CCSER1: variants seen among roughly 807,000 people sequenced by gnomAD.
CCSER1 encodes coiled-coil serine rich protein 1.
Under a neutral mutation model 82.0 loss-of-function variants are expected in CCSER1, and 41 were observed. That is an observed-to-expected ratio of 0.50 (90% confidence interval 0.39 to 0.65). The LOEUF (loss-of-function observed/expected upper bound fraction) is 0.65, where lower values mean the gene tolerates loss of function less well. CCSER1 is among the 30% of genes least tolerant of loss of function. CCSER1 has a pLI of 0.00. For missense variants in CCSER1, 1,119 were observed against 1,064.2 expected (o/e 1.05, Z -0.72); for synonymous variants, 414 against 383.9 (o/e 1.08, Z -0.92).
intron 1 of CCSER1, among the ~76,000 whole-genome samples, chr4:90,138,270 C>A (rs940814874): frequency 2.0e-5 from 3 of 152,216 alleles, no homozygotes; most frequent in African/African-American, 2.4e-5. Flanking sequence ...TATCTCAATA[C>A]AGCCTCAAAC....
intron 8 of CCSER1, among the ~76,000 whole-genome samples, chr4:90,850,467 C>T (rs757694317): frequency 1.3e-5 from 2 of 152,362 alleles, no homozygotes; most frequent in South Asian, 2.1e-4. Flanking sequence ...TGCAAATCTA[C>T]AGGGGCGGAG....
In CCSER1 at chr4:90,451,647, A is replaced by T. The variant is rs952486354; in HGVS notation, c.1604-16587A>T. Among the ~76,000 whole-genome samples, 8 of 152,178 alleles carry T rather than the reference A, an allele frequency of 5.3e-5. No individual in the cohort carries two copies. In the South Asian group the frequency reaches 6.2e-4, roughly 12 times the overall value. ...AGCCATCCTGAGGACTGAAGTGTGTATCCCTGAGATACAGCCCATTCTATC... is the reference window on the plus strand; with the variant it reads ...AGCCATCCTGAGGACTGAAGTGTGTTTCCCTGAGATACAGCCCATTCTATC... On this transcript the variant is annotated intron_variant, in intron 4 of 10. Coordinates refer to ENST00000509176, the MANE Select transcript of CCSER1 (RefSeq NM_001145065.2).
chr4:90,428,710 T>C (rs1757867109), intron 4 of CCSER1, among the ~76,000 whole-genome samples: 1 of 151,860 alleles, frequency 6.6e-6, no homozygotes, highest in South Asian at 2.1e-4. Flanking sequence ...AAGAAATTTC[T>C]CTTATAAGTG....
chr4:91,064,488 A>G (rs1319860410), intron 9 of CCSER1, among the ~76,000 whole-genome samples: 1 of 152,236 alleles, frequency 6.6e-6, no homozygotes, highest in Non-Finnish European at 1.5e-5. Context: ...TTCTTCCGGC[A>G]ATTAAATACA....
chr4:90,733,522 T>C (rs1365807581), intron 7 of CCSER1, among the ~76,000 whole-genome samples: 1 of 152,182 alleles, frequency 6.6e-6, no homozygotes, highest in African/African-American at 2.4e-5. Flanking sequence ...GTGCAAAAGC[T>C]TTTTAACTTG....
intron 6 of CCSER1, chr4:90,642,063 C>T (rs12642596): frequency 0.15 from 30,909 of 199,534 alleles, 2,891 homozygotes; most frequent in East Asian, 0.33. Context: ...ATACAGCAGA[C>T]GGCACCCTGC....
chr4:90,165,864 AAC>A (rs1224709886), intron 1 of CCSER1, among the ~76,000 whole-genome samples: 3 of 151,960 alleles, frequency 2.0e-5, no homozygotes, highest in Non-Finnish European at 4.4e-5. Flanking sequence ...TGAGATGATA[AAC>A]CAGGAATGAG....
At chr4:90,323,362 T>C (rs1017220777) in intron 3 of CCSER1, among the ~76,000 whole-genome samples, 1 of 152,188 alleles carries the variant, frequency 6.6e-6, no homozygotes, top group Non-Finnish European at 1.5e-5. Flanking sequence ...TCAAAGTTAT[T>C]TGGGACCCCA....
intron 8 of CCSER1, among the ~76,000 whole-genome samples, chr4:90,918,760 TACACACAC>T (rs70963097): frequency 2.6e-3 from 395 of 150,030 alleles, no homozygotes; most frequent in Non-Finnish European, 4.7e-3. Flanking sequence ...GTGTGTAAAA[TACACACAC>T]ACACACACAA....
intron 10 of CCSER1, among the ~76,000 whole-genome samples, chr4:91,401,970 T>G (rs1336297610): frequency 3.3e-5 from 5 of 152,146 alleles, no homozygotes; most frequent in African/African-American, 1.2e-4. Flanking sequence ...TTGAGGAATT[T>G]CCACACTGTC....
At chr4:90,571,700 A>T (rs1780135715) in intron 5 of CCSER1, among the ~76,000 whole-genome samples, 1 of 152,130 alleles carries the variant, frequency 6.6e-6, no homozygotes, top group Non-Finnish European at 1.5e-5. Context: ...GGTTTCATGT[A>T]ATATACCCTT....
chr4:91,144,457 C>T (rs1050488807), intron 10 of CCSER1, among the ~76,000 whole-genome samples: 3 of 151,686 alleles, frequency 2.0e-5, no homozygotes, highest in African/African-American at 2.4e-5. Context: ...GTCTCAATTT[C>T]GTTTAGTTCT....
chr4:91,348,257 G>A (rs2048183025), intron 10 of CCSER1, among the ~76,000 whole-genome samples: 1 of 151,916 alleles, frequency 6.6e-6, no homozygotes. Context: ...CTCTTATTTA[G>A]CCCGTTGATG....
At chr4:90,942,861 A>T (rs1424626515) in intron 9 of CCSER1, among the ~76,000 whole-genome samples, 1 of 148,284 alleles carries the variant, frequency 6.7e-6, no homozygotes, top group Non-Finnish European at 1.5e-5. Context: ...AAAAAATTAT[A>T]TATATTTAAT....
intron 3 of CCSER1, among the ~76,000 whole-genome samples, chr4:90,383,039 T>C (rs187928956): frequency 1.3e-5 from 2 of 152,252 alleles, no homozygotes; most frequent in East Asian, 3.9e-4. Context: ...TAATACACCA[T>C]AGCTTCTTTC....
At chr4:90,346,042 C>A (rs2153507411) in intron 3 of CCSER1, among the ~76,000 whole-genome samples, 1 of 152,070 alleles carries the variant, frequency 6.6e-6, no homozygotes, top group Non-Finnish European at 1.5e-5. Context: ...AAATACCCTA[C>A]TTTTTTTCTG....
intron 9 of CCSER1, among the ~76,000 whole-genome samples, chr4:90,962,992 A>G (rs1279582151): frequency 6.6e-6 from 1 of 152,186 alleles, no homozygotes; most frequent in East Asian, 1.9e-4. Context: ...TTAGCAAAAA[A>G]AAAATCATGT....
chr4:90,249,449 A>T (rs576556106), intron 1 of CCSER1, among the ~76,000 whole-genome samples: 1 of 152,132 alleles, frequency 6.6e-6, no homozygotes, highest in Non-Finnish European at 1.5e-5. Flanking sequence ...AACCATTTTC[A>T]TTACCCCCAA....
At chr4:90,888,112 G>T (rs2150101715) in intron 8 of CCSER1, among the ~76,000 whole-genome samples, 1 of 152,208 alleles carries the variant, frequency 6.6e-6, no homozygotes, top group African/African-American at 2.4e-5. Context: ...TAATTATACT[G>T]ATGATAGTAA....
Sources: gnomAD v4.1 joint callset for allele counts (sites outside exome capture counted in the v4.1 genomes callset) on GRCh38, gnomAD v4.1.1 for gene constraint, MANE v1.5 for transcripts, NCBI Gene and HGNC (gene_info 2026-07-23, HGNC 2026-07-21) for gene names.